The following AFF2 variants were observed in gnomAD, a reference collection of about 807,000 sequenced individuals.
The protein encoded by AFF2 is ALF transcription elongation factor 2.
Under a neutral mutation model 76.9 loss-of-function variants are expected in AFF2, and 14 were observed. That is an observed-to-expected ratio of 0.18 (90% CI 0.12 to 0.28). The LOEUF (loss-of-function observed/expected upper bound fraction) is 0.28. AFF2 is among the 10% of genes least tolerant of loss of function. AFF2 has a pLI of 1.00. For missense variants in AFF2, 868 were observed against 1,001.1 expected (o/e 0.87, Z 1.79); for synonymous variants, 398 against 366.7 (o/e 1.09, Z -0.98).
intron 1 of AFF2, among the ~76,000 whole-genome samples, chrX:148,622,703 T>A (rs1318438911): frequency 9.0e-6 from 1 of 111,337 alleles, no homozygotes; most frequent in Non-Finnish European, 1.9e-5. Flanking sequence ...CTGTCTGCCT[T>A]GAGTATCAGA....
rs782514979 is a variant in AFF2, at chrX:148,573,796, C to T, written c.47+72652C>T. On this transcript the variant is annotated intron_variant, in intron 1 of 20. Coordinates refer to ENST00000370460, the MANE Select transcript of AFF2 (RefSeq NM_002025.4). Reference sequence around the variant, plus strand: ...TTTGAAGTGAAGCTAAAAGATAGAACAAATGGAATATTTCTTGTATTTGGG... The same window carrying T: ...TTTGAAGTGAAGCTAAAAGATAGAATAAATGGAATATTTCTTGTATTTGGG... Among the ~76,000 whole-genome samples, 3 of 111,358 alleles carry T rather than the reference C, an allele frequency of 2.7e-5. No individual in the cohort carries two copies. The Admixed American group carries it at 2.9e-4, about 11-fold the overall frequency.
At chrX:148,621,538 A>C (rs183288084) in intron 1 of AFF2, among the ~76,000 whole-genome samples, 255 of 111,275 alleles carry the variant, frequency 2.3e-3, no homozygotes, top group Non-Finnish European at 3.0e-3. Flanking sequence ...TCTGTTTTTC[A>C]CTCATATTTA....
intron 9 of AFF2, among the ~76,000 whole-genome samples, chrX:148,932,646 A>C (rs1320423344): frequency 8.9e-6 from 1 of 111,804 alleles, no homozygotes; most frequent in African/African-American, 3.3e-5. Flanking sequence ...AATGACTGTG[A>C]AGATTGAGAA....
chrX:148,705,670 A>T (rs2054876160), intron 3 of AFF2, among the ~76,000 whole-genome samples: 1 of 112,004 alleles, frequency 8.9e-6, no homozygotes, highest in South Asian at 3.7e-4. Context: ...GGCTTGTTCT[A>T]TGTGGGTATA....
intron 9 of AFF2, among the ~76,000 whole-genome samples, chrX:148,911,093 A>ATG (rs782108061): frequency 6.5e-5 from 7 of 107,230 alleles, no homozygotes; most frequent in African/African-American, 2.0e-4. Flanking sequence ...ATATATATAT[A>ATG]TGTGTATGTG....
At chrX:148,797,958 A>G (rs992873419) in intron 3 of AFF2, among the ~76,000 whole-genome samples, 8 of 112,319 alleles carry the variant, frequency 7.1e-5, no homozygotes, top group Non-Finnish European at 1.3e-4. Context: ...CGTCTATAGT[A>G]TACCCTCCCT....
At chrX:148,708,841 C>T (rs2054921608) in intron 3 of AFF2, among the ~76,000 whole-genome samples, 1 of 112,456 alleles carries the variant, frequency 8.9e-6, no homozygotes, top group African/African-American at 3.2e-5. Flanking sequence ...CTTTCTTAGT[C>T]TGTATCACTA....
rs782556482 is a variant in AFF2, at chrX:148,513,981, G to A, written c.47+12837G>A. Among the ~76,000 whole-genome samples the A allele has an allele frequency of 9.9e-5, 11 of 111,473 alleles. No individual in the cohort carries two copies. The South Asian group carries it at 4.2e-3, about 42-fold the overall frequency. ...ACCCAGCTACAGTGGCAGAAGTTGG[G>A]AAGAGGGCCCACTCATAAATCTTTA... On this transcript the variant is annotated intron_variant, in intron 1 of 20. Transcript: ENST00000370460.
At chrX:148,589,850 A>C (rs893977366) in intron 1 of AFF2, among the ~76,000 whole-genome samples, 14 of 109,737 alleles carry the variant, frequency 1.3e-4, no homozygotes, top group African/African-American at 4.3e-4. Context: ...GGAAAAAATA[A>C]AAGCCTTCCT....
chrX:148,856,760 GA>G (rs1557275934), intron 7 of AFF2, among the ~76,000 whole-genome samples: 1 of 112,480 alleles, frequency 8.9e-6, no homozygotes, highest in East Asian at 2.8e-4. Context: ...AACTGCTTTT[GA>G]AATATATAAC....
chrX:148,982,840 A>C (rs1557291022), intron 19 of AFF2, among the ~76,000 whole-genome samples: 1 of 112,028 alleles, frequency 8.9e-6, no homozygotes. Context: ...CAGACACTAT[A>C]TATTTTGGGC....
At chrX:148,986,441 CA>C (rs1243569042) in intron 19 of AFF2, among the ~76,000 whole-genome samples, 10 of 112,250 alleles carry the variant, frequency 8.9e-5, no homozygotes, top group African/African-American at 2.6e-4. Context: ...ATACAGCCAG[CA>C]GGTGACTCCT....
intron 3 of AFF2, among the ~76,000 whole-genome samples, chrX:148,713,856 A>G (rs2054997550): frequency 8.9e-6 from 1 of 111,866 alleles, no homozygotes; most frequent in Non-Finnish European, 1.9e-5. Flanking sequence ...CATGTCTTGT[A>G]GGGGCCCTAC....
intron 1 of AFF2, among the ~76,000 whole-genome samples, chrX:148,576,793 ATGTG>A (rs60411417): frequency 9.7e-6 from 1 of 103,438 alleles, no homozygotes; most frequent in Non-Finnish European, 2.0e-5. Flanking sequence ...GTGTGTGTGT[ATGTG>A]TGTGTGTGTG....
chrX:148,920,642 G>GTT (rs1409506001), intron 9 of AFF2, among the ~76,000 whole-genome samples: 3 of 109,419 alleles, frequency 2.7e-5, no homozygotes, highest in African/African-American at 6.7e-5. Flanking sequence ...GCGTGTGTGT[G>GTT]TGTGTGTATT....
chrX:148,823,002 C>T (rs1408107175), intron 4 of AFF2, among the ~76,000 whole-genome samples: 1 of 111,271 alleles, frequency 9.0e-6, no homozygotes, highest in Non-Finnish European at 1.9e-5. Flanking sequence ...CAGAGGATAC[C>T]CGAAAAGCTA....
intron 1 of AFF2, among the ~76,000 whole-genome samples, chrX:148,596,681 G>A (rs2053575264): frequency 8.9e-6 from 1 of 112,196 alleles, no homozygotes; most frequent in Non-Finnish European, 1.9e-5. Context: ...AGTTAGCGAG[G>A]TTTAATGAAA....
chrX:148,649,529 G>T, intron 1 of AFF2, among the ~76,000 whole-genome samples: 1 of 112,434 alleles, frequency 8.9e-6, no homozygotes, highest in East Asian at 2.8e-4. Context: ...TTTGTCGGAT[G>T]TGTTAAAAAA....
chrX:148,847,523 G>A (rs2070681724), intron 7 of AFF2, among the ~76,000 whole-genome samples: 1 of 111,693 alleles, frequency 9.0e-6, no homozygotes, highest in African/African-American at 3.3e-5. Context: ...TCTTAATATA[G>A]CCATAATGTT....
Sources: gnomAD v4.1 joint callset for allele counts (sites outside exome capture counted in the v4.1 genomes callset) on GRCh38, gnomAD v4.1.1 for gene constraint, MANE v1.5 for transcripts, NCBI Gene and HGNC (gene_info 2026-07-23, HGNC 2026-07-21) for gene names.